Variants in ZPBP observed in about 807,000 individuals in gnomAD.
ZPBP encodes zona pellucida binding protein, also known as zona pellucida-binding protein 1.
In ZPBP, 26 loss-of-function variants were observed where a neutral mutation model predicts 44.8. The observed-to-expected ratio is 0.58, with a 90% CI of 0.43 to 0.81. The LOEUF is 0.81. Ranked by LOEUF, ZPBP falls within the 30% of genes least tolerant of loss-of-function variation. The probability of loss-of-function intolerance (pLI) is 0.00; values close to 1 mark genes in which losing one functional copy is unlikely to be tolerated. For missense variants in ZPBP, 409 were observed against 434.0 expected (o/e 0.94, Z 0.51); for synonymous variants, 174 against 153.2 (o/e 1.14, Z -1.00).
At chr7:50,063,392 C>T (rs77593345) in intron 3 of ZPBP, among the ~76,000 whole-genome samples, 22 of 152,278 alleles carry the variant, frequency 1.4e-4, no homozygotes, top group Non-Finnish European at 1.9e-4. Context: ...CATCTCTTTG[C>T]GGAGCTGAGC....
chr7:49,982,187 AT>A (rs1456457908), intron 7 of ZPBP, among the ~76,000 whole-genome samples: 49 of 65,084 alleles, frequency 7.5e-4, no homozygotes, highest in African/African-American at 3.2e-3. Flanking sequence ...ATAATTTATT[AT>A]TATATATATT....
chr7:50,065,111 T>A (rs942268991), intron 3 of ZPBP, among the ~76,000 whole-genome samples: 1 of 152,244 alleles, frequency 6.6e-6, no homozygotes, highest in Admixed American at 6.5e-5. Context: ...TATGTCCACA[T>A]TTCTTTGATA....
intron 1 of ZPBP, among the ~76,000 whole-genome samples, chr7:49,932,248 C>A (rs1348557559): frequency 6.6e-6 from 1 of 152,192 alleles, no homozygotes; most frequent in African/African-American, 2.4e-5. Context: ...AATGGTAGAA[C>A]CACCAACAGA....
chr7:49,856,370 A>C (rs1790417119), intron 2 of ZPBP, among the ~76,000 whole-genome samples: 1 of 152,154 alleles, frequency 6.6e-6, no homozygotes, highest in Non-Finnish European at 1.5e-5. Context: ...TCAACGTGAT[A>C]TACTGGCTCC....
intron 7 of ZPBP, among the ~76,000 whole-genome samples, chr7:49,965,852 C>T (rs900478306): frequency 3.3e-5 from 5 of 151,820 alleles, no homozygotes; most frequent in Non-Finnish European, 7.4e-5. Context: ...ATACTATAAA[C>T]CTAAAGCAAC....
intron 6 of ZPBP, among the ~76,000 whole-genome samples, chr7:50,012,555 T>C (rs1798636144): frequency 6.6e-6 from 1 of 151,520 alleles, no homozygotes. Flanking sequence ...AATGCAGATA[T>C]AAGTTGTTTT....
intron 3 of ZPBP, among the ~76,000 whole-genome samples, chr7:50,066,092 A>C (rs1156939635): frequency 1.3e-5 from 2 of 150,882 alleles, no homozygotes; most frequent in African/African-American, 4.9e-5. Flanking sequence ...TTCTGTACAG[A>C]TGTTTAGGGC....
chr7:49,986,343 A>G (rs2128784320), intron 6 of ZPBP, among the ~76,000 whole-genome samples: 1 of 152,156 alleles, frequency 6.6e-6, no homozygotes, highest in South Asian at 2.1e-4. Flanking sequence ...ACCCCACCAC[A>G]ATGGCCGCAG....
chr7:49,966,942 C>T (rs928537930), intron 7 of ZPBP, among the ~76,000 whole-genome samples: 5 of 151,944 alleles, frequency 3.3e-5, no homozygotes, highest in Admixed American at 1.3e-4. Context: ...CTTAGACAAA[C>T]GGGGACAGAG....
intron 3 of ZPBP, 67 bp downstream of exon 3, chr7:50,081,707 A>G: frequency 3.2e-6 from 5 of 1,574,334 alleles, no homozygotes; most frequent in Non-Finnish European, 4.3e-6. Context: ...AGATACAAAC[A>G]TTCTTTTTGT....
intron 6 of ZPBP, among the ~76,000 whole-genome samples, chr7:50,002,853 C>A (rs944158586): frequency 1.3e-5 from 2 of 152,094 alleles, no homozygotes; most frequent in African/African-American, 2.4e-5. Flanking sequence ...ATAAGAATAT[C>A]AAAATTCCCA....
chr7:49,956,371 A>G (rs1450720575), intron 7 of ZPBP, among the ~76,000 whole-genome samples: 2 of 152,138 alleles, frequency 1.3e-5, no homozygotes, highest in Non-Finnish European at 2.9e-5. Context: ...ATTTCTAAAT[A>G]TCAATGCCCT....
intron 6 of ZPBP, among the ~76,000 whole-genome samples, chr7:50,000,165 G>A (rs948049906): frequency 6.6e-6 from 1 of 152,074 alleles, no homozygotes; most frequent in African/African-American, 2.4e-5. Flanking sequence ...AGTCAAAAAT[G>A]AGGATATAAA....
intron 2 of ZPBP, among the ~76,000 whole-genome samples, chr7:49,897,547 C>G (rs1489725030): frequency 6.6e-6 from 1 of 152,166 alleles, no homozygotes; most frequent in Non-Finnish European, 1.5e-5. Context: ...AGTTGCAACT[C>G]TATCCTAAAA....
downstream of ZPBP, among the ~76,000 whole-genome samples, chr7:49,936,561 A>C (rs1794626073): frequency 6.6e-6 from 1 of 152,226 alleles, no homozygotes; most frequent in South Asian, 2.1e-4. Flanking sequence ...TTATGTCTTA[A>C]GAGAGGAAAT....
chr7:50,080,805 A>T (rs1802317706), intron 3 of ZPBP, among the ~76,000 whole-genome samples: 1 of 151,738 alleles, frequency 6.6e-6, no homozygotes, highest in African/African-American at 2.4e-5. Context: ...TGCTGATCCC[A>T]TGAACAAATT....
chr7:50,034,841 C>T (rs532772626), intron 4 of ZPBP, among the ~76,000 whole-genome samples: 2 of 152,290 alleles, frequency 1.3e-5, no homozygotes, highest in Admixed American at 6.5e-5. Context: ...CCAAAGCTAC[C>T]AACTTGGAAT....
At chr7:49,869,842 G>T (rs565106710) in intron 2 of ZPBP, among the ~76,000 whole-genome samples, 2 of 152,014 alleles carry the variant, frequency 1.3e-5, no homozygotes, top group Non-Finnish European at 2.9e-5. Context: ...ATCCAAAACG[G>T]GAAGCTTACT....
chr7:49,871,880 GT>G (rs1325830334), intron 2 of ZPBP, among the ~76,000 whole-genome samples: 9 of 120,536 alleles, frequency 7.5e-5, no homozygotes, highest in Non-Finnish European at 1.0e-4. Flanking sequence ...CATATATAAT[GT>G]TTTTTGTATG....
Sources: allele counts gnomAD v4.1 joint callset (sites outside exome capture counted in the v4.1 genomes callset), GRCh38; gene constraint gnomAD v4.1.1; transcripts MANE v1.5; gene names NCBI Gene and HGNC (gene_info 2026-07-23, HGNC 2026-07-21).